The following IFT81 variants were observed in gnomAD, a reference collection of about 807,000 sequenced individuals.
IFT81 encodes the protein intraflagellar transport 81, also known as intraflagellar transport protein 81 homolog.
Under a neutral mutation model 102.6 loss-of-function variants are expected in IFT81, and 72 were observed. That is an observed-to-expected ratio of 0.70 (90% CI 0.58 to 0.85). The LOEUF (loss-of-function observed/expected upper bound fraction) is 0.85. Ranked by LOEUF, IFT81 falls within the 40% of genes least tolerant of loss-of-function variation. IFT81 has a pLI of 0.00. For missense variants in IFT81, 723 were observed against 787.3 expected, an observed-to-expected ratio of 0.92 and a Z score of 0.98; for synonymous variants, 237 against 242.7, an observed-to-expected ratio of 0.98 and a Z score of 0.22.
At chr12:110,172,897 G>T (rs1331610187) in intron 11 of IFT81, among the ~76,000 whole-genome samples, 1 of 152,134 alleles carries the variant, frequency 6.6e-6, no homozygotes, top group Non-Finnish European at 1.5e-5. Context: ...AGTCTGGAAA[G>T]TGAGGAGCGT....
intron 11 of IFT81, among the ~76,000 whole-genome samples, chr12:110,166,157 G>A (rs552516193): frequency 1.9e-4 from 29 of 152,314 alleles, no homozygotes; most frequent in Admixed American, 9.2e-4. Context: ...AACAGCACTA[G>A]GCACATAGTA....
intron 12 of IFT81, among the ~76,000 whole-genome samples, chr12:110,188,610 G>A (rs1012741860): frequency 3.3e-5 from 5 of 150,858 alleles, no homozygotes; most frequent in South Asian, 4.2e-4. Flanking sequence ...TACAGTTTTC[G>A]CACTTACCAT....
chr12:110,217,578 T>C (rs1870299013), intron 18 of IFT81, among the ~76,000 whole-genome samples: 1 of 152,154 alleles, frequency 6.6e-6, no homozygotes, highest in Admixed American at 6.5e-5. Context: ...TTGTATTTTC[T>C]TTGAGACAGA....
At chr12:110,201,103 A>T (rs1170556616) in intron 14 of IFT81, among the ~76,000 whole-genome samples, 1 of 151,882 alleles carries the variant, frequency 6.6e-6, no homozygotes, top group Non-Finnish European at 1.5e-5. Context: ...GCTTTTTTCT[A>T]TTTAAAAAAA....
In IFT81 at chr12:110,126,277, C is replaced by CA. The variant is rs11287085; in HGVS notation, c.-21-1064dup. Among the ~76,000 whole-genome samples, 863 of 97,250 alleles carry CA rather than the reference C, an allele frequency of 8.9e-3. 17 individuals are homozygous for CA. The South Asian group carries it at 0.089, about 10-fold the overall frequency. The allele number at this position is 97,250 out of a possible 152,430, so 63.8% of individuals were successfully genotyped here. A position where few individuals can be genotyped will look rare whatever the true frequency, so the allele number is the denominator to read the frequency against. ...TGGGCGACAGAGCGAGACTCCGTCT[C>CA]AAAAAAAAAAAAAAAAAAAGCACAA... On this transcript the variant is annotated intron_variant, in intron 1 of 18. Coordinates refer to ENST00000242591, the MANE Select transcript of IFT81 (RefSeq NM_014055.4).
At chr12:110,178,106 A>T (rs1593340337) in intron 11 of IFT81, among the ~76,000 whole-genome samples, 1 of 150,090 alleles carries the variant, frequency 6.7e-6, no homozygotes, top group Admixed American at 6.7e-5. Context: ...AAGAAAAAAA[A>T]AATTGGAAGG....
chr12:110,208,939 A>T (rs890016549), intron 17 of IFT81, among the ~76,000 whole-genome samples: 2 of 152,144 alleles, frequency 1.3e-5, no homozygotes, highest in Non-Finnish European at 2.9e-5. Flanking sequence ...TAATTATCTT[A>T]ATTTCCTATT....
At chr12:110,142,931 TA>T (rs1894987105) in intron 8 of IFT81, among the ~76,000 whole-genome samples, 1 of 151,964 alleles carries the variant, frequency 6.6e-6, no homozygotes, top group South Asian at 2.1e-4. Context: ...TATGTATATA[TA>T]TAGCATTAAA....
At chr12:110,179,839 CATAAT>C (rs1450696440) in intron 11 of IFT81, among the ~76,000 whole-genome samples, 14 of 138,176 alleles carry the variant, frequency 1.0e-4, no homozygotes, top group Non-Finnish European at 1.4e-4. Context: ...AACATATACA[CATAAT>C]ATATATATAT....
intron 10 of IFT81, among the ~76,000 whole-genome samples, chr12:110,153,829 G>C (rs1566123573): frequency 6.7e-6 from 1 of 149,652 alleles, no homozygotes; most frequent in African/African-American, 2.5e-5. Flanking sequence ...TAAAGGTCAG[G>C]GTGGTCTTGA....
At chr12:110,144,799 T>C (rs946638573) in intron 9 of IFT81, among the ~76,000 whole-genome samples, 1 of 151,274 alleles carries the variant, frequency 6.6e-6, no homozygotes, top group Admixed American at 6.6e-5. Flanking sequence ...TGTGAGCCAC[T>C]GTGCTTGGCC....
intron 15 of IFT81, chr12:110,204,312 G>A (rs1198263509): frequency 5.8e-6 from 1 of 172,316 alleles, no homozygotes; most frequent in Non-Finnish European, 1.2e-5. Flanking sequence ...TCTGCTGCCT[G>A]GCCTCCCACA....
chr12:110,167,278 G>C (rs946740946), intron 11 of IFT81, among the ~76,000 whole-genome samples: 1 of 152,058 alleles, frequency 6.6e-6, no homozygotes, highest in Non-Finnish European at 1.5e-5. Flanking sequence ...CATAAAGTAA[G>C]GCAGTACACA....
At chr12:110,194,815 A>G (rs754860666) in intron 14 of IFT81, among the ~76,000 whole-genome samples, 3 of 152,174 alleles carry the variant, frequency 2.0e-5, no homozygotes, top group Non-Finnish European at 4.4e-5. Context: ...ATTATTTAAT[A>G]ACTACCTTAA....
intron 8 of IFT81, among the ~76,000 whole-genome samples, chr12:110,140,834 C>T (rs1894845483): frequency 6.6e-6 from 1 of 151,650 alleles, no homozygotes; most frequent in African/African-American, 2.4e-5. Flanking sequence ...AGCCATTCTC[C>T]TGCCTCAGCC....
intron 3 of IFT81, 77 bp from the exon 4 acceptor site, chr12:110,128,872 AT>A: frequency 2.7e-6 from 3 of 1,096,648 alleles, no homozygotes; most frequent in Non-Finnish European, 4.0e-6. Context: ...TGTAAATCAG[AT>A]TTTGAGAAAA....
At chr12:110,211,141 C>T (rs184760975) in intron 18 of IFT81, among the ~76,000 whole-genome samples, 61 of 148,238 alleles carry the variant, frequency 4.1e-4, no homozygotes, top group South Asian at 1.5e-3. Context: ...ATTACAGGCA[C>T]GAGCCACGAC....
intron 9 of IFT81, among the ~76,000 whole-genome samples, chr12:110,146,105 C>T (rs1046812738): frequency 6.6e-6 from 1 of 152,144 alleles, no homozygotes; most frequent in African/African-American, 2.4e-5. Flanking sequence ...AGCCACCGTG[C>T]CCGGCCTAAT....
chr12:110,192,051 G>T (rs1385343608), intron 13 of IFT81, among the ~76,000 whole-genome samples: 2 of 151,750 alleles, frequency 1.3e-5, no homozygotes, highest in Non-Finnish European at 2.9e-5. Context: ...CACTCCTGTA[G>T]TTCCAGCTTC....
Sources: gnomAD v4.1 joint callset for allele counts (sites outside exome capture counted in the v4.1 genomes callset) on GRCh38, gnomAD v4.1.1 for gene constraint, MANE v1.5 for transcripts, NCBI Gene and HGNC (gene_info 2026-07-23, HGNC 2026-07-21) for gene names.